PGAP1: variants seen among roughly 807,000 people sequenced by gnomAD.
The protein encoded by PGAP1 is GPI inositol-deacylase.
A neutral mutation model predicts 127.0 loss-of-function variants in PGAP1; 76 were observed. The observed-to-expected ratio is 0.60, with a 90% CI of 0.50 to 0.72. The LOEUF is 0.72. Among genes scored for constraint, PGAP1 ranks in the 30% least tolerant of loss-of-function variants. The pLI is 0.00. For synonymous variants in PGAP1, 362 were observed against 366.5 expected, an observed-to-expected ratio of 0.99 and a Z score of 0.14; for missense variants, 982 against 1,071.3, an observed-to-expected ratio of 0.92 and a Z score of 1.16.
chr2:196,843,685 C>T (rs192035638), intron 25 of PGAP1, among the ~76,000 whole-genome samples: 14 of 151,934 alleles, frequency 9.2e-5, no homozygotes, highest in Admixed American at 5.9e-4. Context: ...GCTGAGATCG[C>T]GCCACTGCAC....
At chr2:196,920,860 A>C (rs547597502) in intron 1 of PGAP1, among the ~76,000 whole-genome samples, 1 of 152,260 alleles carries the variant, frequency 6.6e-6, no homozygotes, top group East Asian at 1.9e-4. Flanking sequence ...GTATACCAAT[A>C]ATACAGCAGC....
At chr2:196,922,573 C>CACAG (rs1198848055) in intron 1 of PGAP1, 2 of 845,072 alleles carry the variant, frequency 2.4e-6, no homozygotes, top group African/African-American at 5.1e-5. Context: ...CACACACACA[C>CACAG]ACAGACACAC....
intron 10 of PGAP1, among the ~76,000 whole-genome samples, chr2:196,887,729 C>T (rs1467259951): frequency 6.6e-6 from 1 of 152,130 alleles, no homozygotes; most frequent in East Asian, 1.9e-4. Flanking sequence ...AATGTTAAGA[C>T]ATTTTTCAGG....
chr2:196,883,173 G>A (rs16859101), intron 12 of PGAP1, among the ~76,000 whole-genome samples: 15,516 of 152,064 alleles, frequency 0.1, 959 homozygotes, highest in African/African-American at 0.17. Context: ...GTTTTTAATC[G>A]AGTTTTGTTC....
chr2:196,868,831 A>G (rs1701322759), intron 19 of PGAP1, among the ~76,000 whole-genome samples: 1 of 152,172 alleles, frequency 6.6e-6, no homozygotes, highest in South Asian at 2.1e-4. Flanking sequence ...AGCAACATTC[A>G]AAATATGTAT....
At chr2:196,912,606 A>C (rs1001148774) in intron 4 of PGAP1, among the ~76,000 whole-genome samples, 3 of 149,054 alleles carry the variant, frequency 2.0e-5, no homozygotes, top group Non-Finnish European at 4.5e-5. Context: ...AAAAAAAAAA[A>C]ACTAAACGGA....
chr2:196,850,570 A>C (rs1259546841), intron 20 of PGAP1, among the ~76,000 whole-genome samples: 5 of 152,166 alleles, frequency 3.3e-5, no homozygotes, highest in Non-Finnish European at 7.3e-5. Flanking sequence ...AGGGACGATA[A>C]ATTTAAGAAA....
At chr2:196,891,138 A>G (rs1702087506) in intron 9 of PGAP1, among the ~76,000 whole-genome samples, 1 of 152,104 alleles carries the variant, frequency 6.6e-6, no homozygotes, top group Non-Finnish European at 1.5e-5. Flanking sequence ...GTGTGAATGT[A>G]CTTTTTTGTT....
chr2:196,920,673 G>A (rs1280054483), intron 1 of PGAP1, among the ~76,000 whole-genome samples: 1 of 152,038 alleles, frequency 6.6e-6, no homozygotes, highest in Non-Finnish European at 1.5e-5. Flanking sequence ...AACTTAATAT[G>A]CTTTGGCCTA....
chr2:196,893,605 G>T (rs1702174628), intron 7 of PGAP1, among the ~76,000 whole-genome samples: 1 of 152,132 alleles, frequency 6.6e-6, no homozygotes, highest in African/African-American at 2.4e-5. Context: ...TTATAAAAAT[G>T]TATAGAACCA....
chr2:196,898,118 G>A (rs1702346602), intron 6 of PGAP1, among the ~76,000 whole-genome samples, 199 bp downstream of exon 6: 1 of 152,072 alleles, frequency 6.6e-6, no homozygotes, highest in Non-Finnish European at 1.5e-5. Context: ...TTGGGAGGCT[G>A]AGGCATGAGG....
intron 5 of PGAP1, 38 bp from the exon 6 acceptor site, chr2:196,898,407 A>G: frequency 7.1e-7 from 1 of 1,406,152 alleles, no homozygotes; most frequent in Non-Finnish European, 1.0e-6. Flanking sequence ...CGAAAAGCAC[A>G]TTTGTTATTC....
chr2:196,846,973 T>C (rs760746716), intron 22 of PGAP1, 30 bp downstream of exon 22: 1 of 1,534,880 alleles, frequency 6.5e-7, no homozygotes, highest in Non-Finnish European at 8.9e-7. Context: ...CTTAAAGCAA[T>C]AAGAAAGCTG....
intron 7 of PGAP1, among the ~76,000 whole-genome samples, chr2:196,894,450 G>T (rs1380708971): frequency 6.6e-6 from 1 of 152,202 alleles, no homozygotes; most frequent in Admixed American, 6.5e-5. Flanking sequence ...TACTAAATTT[G>T]TTTGATTTTC....
chr2:196,885,279 A>G, intron 12 of PGAP1, 145 bp downstream of exon 12: 1 of 526,772 alleles, frequency 1.9e-6, no homozygotes, highest in Non-Finnish European at 3.4e-6. Flanking sequence ...ATGTATTTCT[A>G]GAGAAAATAT....
chr2:196,841,611 G>A (rs187387683), intron 26 of PGAP1, among the ~76,000 whole-genome samples: 3,683 of 152,130 alleles, frequency 0.024, 139 homozygotes, highest in African/African-American at 0.084. Context: ...TCCGCCTCCC[G>A]GGTTCATGCC....
chr2:196,911,839 A>C lies in PGAP1; in HGVS notation c.649+1043T>G, dbSNP rs913732384. On this transcript the variant is annotated intron_variant, in intron 4 of 26. Coordinates refer to ENST00000354764, the MANE Select transcript of PGAP1 (RefSeq NM_024989.4). ...ATCACTATTTGATTAGACGATGTCA[A>C]TCACAAACTCCTACTTTTCATTCAA... is the stretch of plus-strand genomic sequence containing the variant. Among the ~76,000 whole-genome samples the C allele has an allele frequency of 3.3e-5, 5 of 152,288 alleles. No homozygotes were observed. The South Asian group carries it at 1.0e-3, about 32-fold the overall frequency.
chr2:196,864,737 A>G (rs1701182979), intron 20 of PGAP1, among the ~76,000 whole-genome samples: 1 of 152,198 alleles, frequency 6.6e-6, no homozygotes, highest in African/African-American at 2.4e-5. Flanking sequence ...GAAACGTAAT[A>G]AAGATGCAGA....
chr2:196,842,228 A>G (rs1035536618), intron 26 of PGAP1, among the ~76,000 whole-genome samples: 4 of 152,210 alleles, frequency 2.6e-5, no homozygotes, highest in African/African-American at 9.6e-5. Flanking sequence ...CAGAACCAGG[A>G]TTTAAACTCC....
Sources: gnomAD v4.1 joint callset for allele counts (sites outside exome capture counted in the v4.1 genomes callset) on GRCh38, gnomAD v4.1.1 for gene constraint, MANE v1.5 for transcripts, NCBI Gene and HGNC (gene_info 2026-07-23, HGNC 2026-07-21) for gene names.